Variants in ARHGAP21 observed in about 807,000 individuals in gnomAD.
ARHGAP21 encodes the protein Rho GTPase activating protein 21, also known as rho GTPase-activating protein 21.
ARHGAP21 carries 38 observed loss-of-function variants against 164.6 expected under a neutral mutation model. The observed-to-expected ratio is 0.23, with a 90% confidence interval of 0.18 to 0.30. The LOEUF is 0.30. Ranked by LOEUF, ARHGAP21 falls within the 10% of genes least tolerant of loss-of-function variation. ARHGAP21 has a pLI of 1.00. For missense variants in ARHGAP21, 1,822 were observed against 2,370.7 expected (o/e 0.77, Z 4.81); for synonymous variants, 766 against 857.9 (o/e 0.89, Z 1.87).
In ARHGAP21 at chr10:24,619,941, C is replaced by T; in HGVS notation, c.1954G>A (p.Val652Ile). 6.2e-7 allele frequency: 1 copy of T among 1,614,128 alleles called. No individual in the cohort carries two copies. Residue 652 changes from valine to isoleucine, a missense_variant, in exon 9 of 26, where the codon GTA becomes ATA. Transcript: ENST00000396432. ...AGACTGTTCTGATGCAAGTGATTTACTGGTCTTTGGTCTTTGATAGAAACA... is the reference window on the plus strand; with the variant it reads ...AGACTGTTCTGATGCAAGTGATTTATTGGTCTTTGGTCTTTGATAGAAACA... The part of the protein sequence containing the change: ...SFVSIKDQRP[V>I]NHLHQNSLLN...
At chr10:24,596,287 A>AAGTAAC in intron 17 of ARHGAP21, 2 of 449,724 alleles carry the variant, frequency 4.4e-6, no homozygotes, top group Non-Finnish European at 7.7e-6. Context: ...TCTAAAAAGG[A>AAGTAAC]AGTAACAACA....
intron 2 of ARHGAP21, among the ~76,000 whole-genome samples, chr10:24,685,600 G>A (rs1842140785): frequency 6.6e-6 from 1 of 152,136 alleles, no homozygotes; most frequent in South Asian, 2.1e-4. Context: ...TTCTTGGCTG[G>A]TGCAGTGGCT....
At chr10:24,604,430 T>C in intron 11 of ARHGAP21, 82 bp from the exon 12 acceptor site, 1 of 931,762 alleles carries the variant, frequency 1.1e-6, no homozygotes. Context: ...AATATTACAA[T>C]TACTCTTTCA....
chr10:24,602,563 C>CTGTATAT (rs1302011371), intron 12 of ARHGAP21, among the ~76,000 whole-genome samples: 1 of 152,154 alleles, frequency 6.6e-6, no homozygotes, highest in Admixed American at 6.5e-5. Context: ...CAGCTACTGA[C>CTGTATAT]TGTATATCAT....
At chr10:24,631,851 C>T (rs1835884031) in intron 6 of ARHGAP21, among the ~76,000 whole-genome samples, 1 of 152,128 alleles carries the variant, frequency 6.6e-6, no homozygotes, top group Non-Finnish European at 1.5e-5. Flanking sequence ...ACCTCAGCCT[C>T]CCAAGTATCT....
chr10:24,628,651 T>C (rs186816238), intron 7 of ARHGAP21, among the ~76,000 whole-genome samples: 1 of 151,950 alleles, frequency 6.6e-6, no homozygotes, highest in Admixed American at 6.6e-5. Context: ...TGCCATTTCC[T>C]AGATCTGTTA....
At chr10:24,592,131 T>TAA in intron 21 of ARHGAP21, 119 bp from the exon 22 acceptor site, 1 of 881,288 alleles carries the variant, frequency 1.1e-6, no homozygotes, top group Non-Finnish European at 1.6e-6. Context: ...TGATGTAGAT[T>TAA]AAAAAAATAA....
chr10:24,647,401 A>C (rs1837676797), intron 4 of ARHGAP21, among the ~76,000 whole-genome samples: 1 of 152,250 alleles, frequency 6.6e-6, no homozygotes, highest in Non-Finnish European at 1.5e-5. Flanking sequence ...GCTTATACAC[A>C]TAGCAGCTAT....
At chr10:24,667,482 T>C (rs943331665) in intron 3 of ARHGAP21, among the ~76,000 whole-genome samples, 3 of 152,222 alleles carry the variant, frequency 2.0e-5, no homozygotes, top group African/African-American at 7.2e-5. Context: ...TGGTCCCAAA[T>C]TGCTACATAT....
chr10:24,585,860 T>C lies in ARHGAP21; in HGVS notation c.4429A>G (p.Asn1477Asp). Residue 1477 changes from asparagine to aspartate, a missense_variant, in exon 26 of 26, where the codon AAC (asparagine) becomes GAC (aspartate). Asn to Asp is a conservative substitution (Grantham distance 23). This residue lies in a region of ARHGAP21 where 333 missense variants were observed against 383.9 expected (regional missense o/e 0.87). Coordinates refer to ENST00000396432, the MANE Select transcript of ARHGAP21 (RefSeq NM_020824.4). ...RKQKIIIAKE[N>D]STRKDPSTTK... Reference sequence around the variant, plus strand: ...GTGCTGGGGTCTTTCCTAGTGCTGTTTTCTTTGGCAATGATGATCTTCTGT... The same window carrying C: ...GTGCTGGGGTCTTTCCTAGTGCTGTCTTCTTTGGCAATGATGATCTTCTGT... The C allele has an allele frequency of 6.2e-7, 1 of 1,614,018 alleles. No individual in the cohort carries two copies.
intron 2 of ARHGAP21, among the ~76,000 whole-genome samples, chr10:24,680,839 C>T (rs1432519247): frequency 6.6e-6 from 1 of 152,164 alleles, no homozygotes; most frequent in African/African-American, 2.4e-5. Flanking sequence ...TCCCTCTACA[C>T]ACATCTTATT....
chr10:24,657,079 A>G (rs1483342555), intron 4 of ARHGAP21, among the ~76,000 whole-genome samples: 2 of 42,160 alleles, frequency 4.7e-5, no homozygotes, highest in African/African-American at 1.2e-4. Context: ...TGGGGGTGTC[A>G]GCCCCCCGCC....
intron 2 of ARHGAP21, among the ~76,000 whole-genome samples, chr10:24,719,596 AAC>A (rs1845730689): frequency 1.3e-5 from 2 of 152,220 alleles, no homozygotes; most frequent in Admixed American, 6.5e-5. Context: ...GTTAGTTAAA[AAC>A]ACAATAATAA....
At chr10:24,710,045 T>C (rs562293194) in intron 2 of ARHGAP21, among the ~76,000 whole-genome samples, 5 of 152,358 alleles carry the variant, frequency 3.3e-5, no homozygotes, top group Non-Finnish European at 7.3e-5. Flanking sequence ...TGATGAAATA[T>C]GGGTAAAAAC....
intron 14 of ARHGAP21, 62 bp downstream of exon 14, chr10:24,600,584 G>C (rs1376563037): frequency 6.5e-7 from 1 of 1,545,488 alleles, no homozygotes; most frequent in South Asian, 1.2e-5. Context: ...ATATTCCTTA[G>C]ATCTTTGTAA....
At chr10:24,596,185 G>A (rs1429070234) in intron 17 of ARHGAP21, 142 bp from the exon 18 acceptor site, 7 of 679,130 alleles carry the variant, frequency 1.0e-5, no homozygotes, top group East Asian at 8.9e-5. Context: ...TTATAGATCT[G>A]GGAATAGATA....
chr10:24,678,235 C>T (rs1356526451), intron 2 of ARHGAP21, among the ~76,000 whole-genome samples: 1 of 152,204 alleles, frequency 6.6e-6, no homozygotes, highest in Admixed American at 6.5e-5. Context: ...GACACAGATA[C>T]AATCCACTCG....
intron 4 of ARHGAP21, among the ~76,000 whole-genome samples, chr10:24,638,634 C>T (rs1307936366): frequency 6.6e-6 from 1 of 152,224 alleles, no homozygotes; most frequent in African/African-American, 2.4e-5. Context: ...AATTCCACAT[C>T]TGTATTTTAT....
At chr10:24,590,621 T>A in intron 24 of ARHGAP21, 1 of 1,397,916 alleles carries the variant, frequency 7.2e-7, no homozygotes, top group Non-Finnish European at 9.3e-7. Context: ...AGGAGAAAGT[T>A]TTCATCAAAA....
Sources: allele counts gnomAD v4.1 joint callset (sites outside exome capture counted in the v4.1 genomes callset), GRCh38; gene constraint gnomAD v4.1.1; regional missense constraint gnomAD v4.1.1; transcripts MANE v1.5; gene names NCBI Gene and HGNC (gene_info 2026-07-23, HGNC 2026-07-21).